The following EPS15 variants were observed in gnomAD, a reference collection of about 807,000 sequenced individuals.
The protein encoded by EPS15 is epidermal growth factor receptor pathway substrate 15.
In EPS15, 72 loss-of-function variants were observed where a neutral mutation model predicts 113.8. The ratio of observed to expected loss-of-function variants is 0.63; its 90% CI spans 0.52 to 0.77. The LOEUF is 0.77. Ranked by LOEUF, EPS15 falls within the 30% of genes least tolerant of loss-of-function variation. EPS15 has a pLI of 0.00. For missense variants in EPS15, 1,048 were observed against 1,045.8 expected (o/e 1.00, Z -0.03); for synonymous variants, 344 against 363.4 (o/e 0.95, Z 0.61).
At chr1:51,518,312 C>T (rs1039289036) in intron 1 of EPS15, 21 of 152,428 alleles carry the variant, frequency 1.4e-4, no homozygotes, top group African/African-American at 5.1e-4. Flanking sequence ...AGCAACGAGG[C>T]AAGAGGGAAG....
At chr1:51,480,037 C>A (rs780997600) in intron 2 of EPS15, among the ~76,000 whole-genome samples, 3 of 152,162 alleles carry the variant, frequency 2.0e-5, no homozygotes, top group Non-Finnish European at 2.9e-5. Flanking sequence ...GATAGAAGAA[C>A]AAATGTAACA....
chr1:51,459,781 A>G (rs370597078), intron 8 of EPS15, among the ~76,000 whole-genome samples: 1 of 152,082 alleles, frequency 6.6e-6, no homozygotes, highest in Non-Finnish European at 1.5e-5. Context: ...CCAGATAATA[A>G]AACTAAAAAT....
intron 1 of EPS15, among the ~76,000 whole-genome samples, chr1:51,509,098 A>G (rs1021473859): frequency 3.9e-5 from 6 of 152,136 alleles, no homozygotes; most frequent in African/African-American, 1.4e-4. Flanking sequence ...TCCCTAAAAA[A>G]CCAAAAGCTA....
intron 1 of EPS15, among the ~76,000 whole-genome samples, chr1:51,518,926 C>A (rs1269868593): frequency 6.6e-6 from 1 of 151,426 alleles, no homozygotes; most frequent in Non-Finnish European, 1.5e-5. Context: ...ACAGTCCACT[C>A]GGCAGCGGCG....
chr1:51,386,244 T>C (rs2148391214), intron 21 of EPS15, among the ~76,000 whole-genome samples: 1 of 152,328 alleles, frequency 6.6e-6, no homozygotes, highest in South Asian at 2.1e-4. Flanking sequence ...GCTTAATTTC[T>C]AATAGGATGA....
chr1:51,462,332 C>T lies in EPS15; in HGVS notation c.502-1182G>A, dbSNP rs200617706. Among the ~76,000 whole-genome samples the T allele has an allele frequency of 2.7e-4, 40 of 149,586 alleles. 1 individual carries two copies. The East Asian group carries it at 7.2e-3, about 27-fold the overall frequency. Reference sequence around the variant, plus strand: ...GAGCCAAGATTGCGCCATTGCACTCCAGCCTGGGTAACAAATGCTAAAATC... The same window carrying T: ...GAGCCAAGATTGCGCCATTGCACTCTAGCCTGGGTAACAAATGCTAAAATC... On this transcript the variant is annotated intron_variant, in intron 7 of 24. Coordinates refer to ENST00000371733, the MANE Select transcript of EPS15 (RefSeq NM_001981.3).
At chr1:51,465,443 C>T (rs1654779137) in intron 5 of EPS15, 117 bp from the exon 6 acceptor site, 2 of 587,058 alleles carry the variant, frequency 3.4e-6, no homozygotes, top group Non-Finnish European at 3.0e-6. Flanking sequence ...TCAATGCACA[C>T]AGGACACTAT....
At chr1:51,510,375 TC>T (rs1268218591) in intron 1 of EPS15, among the ~76,000 whole-genome samples, 1 of 152,170 alleles carries the variant, frequency 6.6e-6, no homozygotes, top group African/African-American at 2.4e-5. Flanking sequence ...GTCTCAACTC[TC>T]CCACTTAAAA....
intron 4 of EPS15, among the ~76,000 whole-genome samples, chr1:51,468,963 C>A (rs1276815215): frequency 6.6e-6 from 1 of 151,980 alleles, no homozygotes; most frequent in East Asian, 1.9e-4. Flanking sequence ...CCCCGTCTCT[C>A]TACTAAAAAC....
rs1570398297 is a variant in EPS15 at position 51,481,465 on chromosome 1, C to T, written c.34-151G>A. 10 of 579,992 alleles carry T rather than the reference C, an allele frequency of 1.7e-5. No individual in the cohort carries two copies. The South Asian group carries it at 2.2e-4, about 13-fold the overall frequency. The allele number at this position is 579,992 out of a possible 1,614,324, so 35.9% of individuals were successfully genotyped here. ...TTAGATTTTGTTTCTTCTTGGGGAG[C>T]GTGAGACAGAGAATAGATAAAGATA... On this transcript the variant is annotated intron_variant, in intron 1 of 24. Transcript: ENST00000371733.
rs1166115234 is a variant in EPS15, at chr1:51,390,654, G to C, written c.2119+3727C>G. 2.0e-5 allele frequency among the ~76,000 whole-genome samples: 3 copies of C among 151,744 alleles called. No individual in the cohort carries two copies. The East Asian group carries it at 5.8e-4, about 29-fold the overall frequency. ...ACAACCCCATCAAAAAGTGGATGAA[G>C]GATATGAACAGACACTTCTCCAAAG... On this transcript the variant is annotated intron_variant, in intron 21 of 24. Coordinates refer to ENST00000371733, the MANE Select transcript of EPS15 (RefSeq NM_001981.3).
intron 16 of EPS15, among the ~76,000 whole-genome samples, chr1:51,404,331 T>C (rs1432092116): frequency 2.0e-5 from 3 of 151,522 alleles, no homozygotes; most frequent in Non-Finnish European, 4.4e-5. Context: ...TGAGCTGAGA[T>C]TGCGCCACTG....
rs1351967968 is a variant in EPS15 at position 51,468,899 on chromosome 1, G to A, written c.214-331C>T. Among the ~76,000 whole-genome samples, 10 of 152,076 alleles carry A rather than the reference G, an allele frequency of 6.6e-5. No individual in the cohort carries two copies. The East Asian group carries it at 1.3e-3, about 20-fold the overall frequency. On this transcript the variant is annotated intron_variant, in intron 4 of 24. Transcript: ENST00000371733. Reference sequence around the variant, plus strand: ...GCTCAACATTTTGGGAGGCCGAGACGGGCAGATCACTTGAGGTCAGGAGTA... The same window carrying A: ...GCTCAACATTTTGGGAGGCCGAGACAGGCAGATCACTTGAGGTCAGGAGTA...
chr1:51,387,883 A>T (rs939705020), intron 21 of EPS15, among the ~76,000 whole-genome samples: 1 of 152,180 alleles, frequency 6.6e-6, no homozygotes, highest in African/African-American at 2.4e-5. Flanking sequence ...AGACTTTAAC[A>T]CCCCACTGTT....
At chr1:51,431,411 A>T (rs2148463127) in intron 12 of EPS15, among the ~76,000 whole-genome samples, 1 of 151,934 alleles carries the variant, frequency 6.6e-6, no homozygotes, top group South Asian at 2.1e-4. Flanking sequence ...AGGTCCCAAA[A>T]TCAGATGGTT....
At chr1:51,423,182 T>G in intron 12 of EPS15, 1 of 1,287,222 alleles carries the variant, frequency 7.8e-7, no homozygotes, top group Non-Finnish European at 1.0e-6. Flanking sequence ...TTTTAAACAT[T>G]TGAGATGGCC....
At chr1:51,404,403 C>A (rs111550878) in intron 16 of EPS15, among the ~76,000 whole-genome samples, 2,815 of 151,776 alleles carry the variant, frequency 0.019, 89 homozygotes, top group African/African-American at 0.064. Context: ...AGTAGCAGGG[C>A]AATAGCTACT....
At chr1:51,396,260 G>A (rs1647928633) in intron 20 of EPS15, among the ~76,000 whole-genome samples, 1 of 152,202 alleles carries the variant, frequency 6.6e-6, no homozygotes, top group Non-Finnish European at 1.5e-5. Context: ...TAACTCCAGT[G>A]TAAGAGAAGG....
chr1:51,382,773 C>T (rs1646971370), intron 21 of EPS15, among the ~76,000 whole-genome samples: 2 of 152,080 alleles, frequency 1.3e-5, no homozygotes, highest in South Asian at 2.1e-4. Context: ...GAAAAGCTCA[C>T]GATTACATGA....
Sources: allele counts gnomAD v4.1 joint callset (sites outside exome capture counted in the v4.1 genomes callset), GRCh38; gene constraint gnomAD v4.1.1; transcripts MANE v1.5; gene names NCBI Gene and HGNC (gene_info 2026-07-23, HGNC 2026-07-21).